SH3GL3: variants seen among roughly 807,000 people sequenced by gnomAD.
SH3GL3 encodes the protein SH3 domain containing GRB2 like 3, endophilin A3, also known as endophilin-A3.
In SH3GL3, 33 loss-of-function variants were observed where a neutral mutation model predicts 47.7. The observed-to-expected ratio is 0.69, with a 90% confidence interval of 0.52 to 0.92. SH3GL3 has a LOEUF of 0.92. Ranked by LOEUF, SH3GL3 falls within the 40% of genes least tolerant of loss-of-function variation. The pLI, the probability that SH3GL3 is intolerant of heterozygous loss-of-function variation, is 0.00. For synonymous variants in SH3GL3, 155 were observed against 148.8 expected, an observed-to-expected ratio of 1.04 and a Z score of -0.30; for missense variants, 363 against 417.8, an observed-to-expected ratio of 0.87 and a Z score of 1.14.
chr15:83,627,392 G>A, the SH3GL3 span, among the ~76,000 whole-genome samples: 3 of 132,076 alleles, frequency 2.3e-5, no homozygotes, highest in Non-Finnish European at 3.2e-5. Flanking sequence ...GCAAGATGCC[G>A]TCTCAAAAAA....
rs771220653 is a variant in SH3GL3, at chr15:83,599,862, T to A, written c.838+11091T>A. ...CATCCACGCCAACATCTATTTTTTT[T>A]AATATTTTGATTATTGCCATTCTTG... On this transcript the variant is annotated intron_variant, in intron 8 of 8. Transcript: ENST00000427482. Among the ~76,000 whole-genome samples the A allele has an allele frequency of 2.3e-4, 35 of 152,304 alleles. 1 individual carries two copies. The highest frequency in any genetic ancestry group is 1.0e-3 in the South Asian group (5 of 4,824).
chr15:83,497,068 A>C (rs1176524234), intron 1 of SH3GL3, among the ~76,000 whole-genome samples: 22 of 152,132 alleles, frequency 1.4e-4, no homozygotes, highest in Non-Finnish European at 2.9e-5. Flanking sequence ...CTTCTCTGCT[A>C]TACAGGGTCT....
At chr15:83,562,108 G>C (rs1308229068) in intron 2 of SH3GL3, among the ~76,000 whole-genome samples, 1 of 151,000 alleles carries the variant, frequency 6.6e-6, no homozygotes, top group Non-Finnish European at 1.5e-5. Flanking sequence ...TATTCTAGGA[G>C]GGAGATTTTG....
At chr15:83,604,856 T>A (rs189718644) in intron 8 of SH3GL3, among the ~76,000 whole-genome samples, 26 of 152,326 alleles carry the variant, frequency 1.7e-4, no homozygotes, top group Non-Finnish European at 2.2e-4. Flanking sequence ...GAAGGAATAC[T>A]AGGGGAATGT....
At chr15:83,491,174 C>T (rs1337406178) in intron 1 of SH3GL3, among the ~76,000 whole-genome samples, 3 of 152,218 alleles carry the variant, frequency 2.0e-5, no homozygotes, top group East Asian at 3.8e-4. Flanking sequence ...TCCCTAAGCT[C>T]ACCTGGTCAG....
intron 8 of SH3GL3, among the ~76,000 whole-genome samples, chr15:83,617,207 C>A (rs2060846319): frequency 6.6e-6 from 1 of 152,118 alleles, no homozygotes; most frequent in South Asian, 2.1e-4. Context: ...AGTAAATATT[C>A]TTGTCTGTAA....
At chr15:83,483,320 T>C (rs1432233127) in intron 1 of SH3GL3, among the ~76,000 whole-genome samples, 1 of 152,200 alleles carries the variant, frequency 6.6e-6, no homozygotes, top group Non-Finnish European at 1.5e-5. Flanking sequence ...CTGATGGAAA[T>C]GTTCTTGGAT....
intron 4 of SH3GL3, among the ~76,000 whole-genome samples, chr15:83,570,596 A>G (rs1429373063): frequency 6.6e-6 from 1 of 152,220 alleles, no homozygotes; most frequent in African/African-American, 2.4e-5. Flanking sequence ...TATATTAAGT[A>G]TTCCCAAAGA....
intron 1 of SH3GL3, among the ~76,000 whole-genome samples, chr15:83,508,377 A>C (rs559890199): frequency 1.3e-5 from 2 of 152,114 alleles, no homozygotes; most frequent in East Asian, 3.9e-4. Flanking sequence ...AAGCCTGTGC[A>C]AAGGCCTTAG....
rs574060562 is a variant in SH3GL3, at chr15:83,490,235, G to T, written c.45+42657G>T. On this transcript the variant is annotated intron_variant, in intron 1 of 8. Transcript: ENST00000427482. ...GCTGGCTTCTTTCTGCTGTGGGATTGTGTTAACACTGCCCCTTTAGTGATT... is the reference window on the plus strand; with the variant it reads ...GCTGGCTTCTTTCTGCTGTGGGATTTTGTTAACACTGCCCCTTTAGTGATT... Among the ~76,000 whole-genome samples, 1,307 of 150,956 alleles carry T rather than the reference G, an allele frequency of 8.7e-3. 18 individuals carry two copies. Among genetic ancestry groups the T allele is most frequent in the African/African-American group, 0.031 (1,254 of 40,830 alleles).
intron 1 of SH3GL3, among the ~76,000 whole-genome samples, chr15:83,520,484 C>T (rs1440623276): frequency 6.6e-6 from 1 of 152,074 alleles, no homozygotes; most frequent in East Asian, 1.9e-4. Flanking sequence ...TCAATTATCC[C>T]AGCATCATGC....
chr15:83,630,787 G>A, the SH3GL3 span, among the ~76,000 whole-genome samples: 8 of 152,040 alleles, frequency 5.3e-5, no homozygotes, highest in Non-Finnish European at 1.0e-4. Flanking sequence ...AGATTTGGGC[G>A]GGGACATAGC....
chr15:83,529,647 G>A (rs2043580043), intron 1 of SH3GL3, among the ~76,000 whole-genome samples: 1 of 151,572 alleles, frequency 6.6e-6, no homozygotes, highest in African/African-American at 2.4e-5. Flanking sequence ...GACAATCTGT[G>A]GTGGTGGGTG....
At chr15:83,541,932 A>T (rs2044186750) in intron 1 of SH3GL3, among the ~76,000 whole-genome samples, 1 of 152,116 alleles carries the variant, frequency 6.6e-6, no homozygotes, top group Admixed American at 6.5e-5. Flanking sequence ...GACTTTGTTG[A>T]TGTTGAAAAG....
chr15:83,612,429 C>T (rs1004352930), intron 8 of SH3GL3, among the ~76,000 whole-genome samples: 1 of 152,228 alleles, frequency 6.6e-6, no homozygotes, highest in Non-Finnish European at 1.5e-5. Context: ...GTGTCACTGC[C>T]CCCAGGCAGC....
intron 1 of SH3GL3, chr15:83,488,380 G>A (rs1240201326): frequency 2.0e-5 from 3 of 152,250 alleles, no homozygotes; most frequent in Admixed American, 2.0e-4. Flanking sequence ...CTGCAGATGT[G>A]TGATGAATGC....
At chr15:83,471,998 C>A (rs146469773) in intron 1 of SH3GL3, among the ~76,000 whole-genome samples, 281 of 152,292 alleles carry the variant, frequency 1.8e-3, no homozygotes, top group Non-Finnish European at 2.9e-3. Flanking sequence ...ATTCTCCTGC[C>A]TCAGCCTCCT....
chr15:83,479,621 C>CCCTGGCACTTCCAATTTG, intron 1 of SH3GL3, among the ~76,000 whole-genome samples: 1 of 152,156 alleles, frequency 6.6e-6, no homozygotes, highest in Non-Finnish European at 1.5e-5. Context: ...GACGTTAAGT[C>CCCTGGCACTTCCAATTTG]CCTGGCACTT....
chr15:83,483,768 C>T (rs2041476928), intron 1 of SH3GL3, among the ~76,000 whole-genome samples: 1 of 152,208 alleles, frequency 6.6e-6, no homozygotes, highest in South Asian at 2.1e-4. Context: ...ATTCCCATCC[C>T]CATGGCCCTT....
Sources: allele counts gnomAD v4.1 joint callset (sites outside exome capture counted in the v4.1 genomes callset), GRCh38; gene constraint gnomAD v4.1.1; transcripts MANE v1.5; gene names NCBI Gene and HGNC (gene_info 2026-07-23, HGNC 2026-07-21).